TBC1D23: variants seen among roughly 807,000 people sequenced by gnomAD.
TBC1D23 encodes the protein HCV non-structural protein 4A-transactivated protein 1.
A neutral mutation model predicts 91.4 loss-of-function variants in TBC1D23; 55 were observed. The observed-to-expected ratio is 0.60, with a 90% CI of 0.48 to 0.75. TBC1D23 has a LOEUF of 0.75. Ranked by LOEUF, TBC1D23 falls within the 30% of genes least tolerant of loss-of-function variation. The pLI is 0.00. For synonymous variants in TBC1D23, 289 were observed against 281.0 expected (o/e 1.03, Z -0.28); for missense variants, 725 against 836.1 (o/e 0.87, Z 1.64).
At chr3:100,319,001 G>T in intron 16 of TBC1D23, 68 bp from the exon 17 acceptor site, 1 of 1,047,584 alleles carries the variant, frequency 9.5e-7, no homozygotes, top group South Asian at 1.7e-5. Flanking sequence ...AATTTTTTTA[G>T]ACTGTTAGGG....
chr3:100,286,103 T>C lies in TBC1D23; in HGVS notation c.476+2292T>C, dbSNP rs145140254. Reference sequence around the variant, plus strand: ...GCTACCTTGAAGCCATACTGCTTTATGTAAGGAAAACAGACTTAAAGATAC... The same window carrying C: ...GCTACCTTGAAGCCATACTGCTTTACGTAAGGAAAACAGACTTAAAGATAC... On this transcript the variant is annotated intron_variant, in intron 4 of 18. Transcript: ENST00000394144. Among the ~76,000 whole-genome samples, 713 of 152,320 alleles carry C rather than the reference T, an allele frequency of 4.7e-3. 2 individuals are homozygous for C. The highest frequency in any genetic ancestry group is 6.4e-3 in the Non-Finnish European group (432 of 68,028).
At chr3:100,276,253 T>C (rs1401222273) in intron 1 of TBC1D23, among the ~76,000 whole-genome samples, 1 of 151,936 alleles carries the variant, frequency 6.6e-6, no homozygotes, top group Non-Finnish European at 1.5e-5. Context: ...AAAATGTTAG[T>C]ATATAGTCAT....
At chr3:100,293,478 G>GTTTT (rs530769148) in intron 5 of TBC1D23, among the ~76,000 whole-genome samples, 1 of 152,110 alleles carries the variant, frequency 6.6e-6, no homozygotes, top group Non-Finnish European at 1.5e-5. Flanking sequence ...ATGAAATAGA[G>GTTTT]TTTTTTAAGT....
intron 11 of TBC1D23, among the ~76,000 whole-genome samples, chr3:100,302,937 C>T (rs796464705): frequency 6.6e-6 from 1 of 152,178 alleles, no homozygotes; most frequent in Non-Finnish European, 1.5e-5. Context: ...GTACTTTTTA[C>T]AGTAACTATA....
At chr3:100,284,393 T>C (rs1234621105) in intron 4 of TBC1D23, among the ~76,000 whole-genome samples, 1 of 152,234 alleles carries the variant, frequency 6.6e-6, no homozygotes, top group African/African-American at 2.4e-5. Context: ...GTGGTATCCC[T>C]ATTTTAATTT....
chr3:100,285,630 T>C (rs1483912472), intron 4 of TBC1D23, among the ~76,000 whole-genome samples: 1 of 152,220 alleles, frequency 6.6e-6, no homozygotes, highest in Non-Finnish European at 1.5e-5. Flanking sequence ...GGTAATTATG[T>C]TTAACCTTTT....
In TBC1D23 at chr3:100,261,043, C is replaced by G. The variant is rs755719122; in HGVS notation, c.25C>G (p.Pro9Ala). The change falls in exon 1 of 19, where the codon CCG becomes GCG. Residue 9 changes from proline (P) to alanine (A), a missense_variant. By Grantham distance (27) the Pro-to-Ala change is conservative. Transcript: ENST00000394144. ...AATGGCGGAAGGAGAAGATGTGCCGCCGCTGCCAACGTCGAGCGGCGACGG... is the reference window on the plus strand; with the variant it reads ...AATGGCGGAAGGAGAAGATGTGCCGGCGCTGCCAACGTCGAGCGGCGACGG... MAEGEDVP[P>A]LPTSSGDGWE... 1 of 1,614,016 alleles carries G rather than the reference C, an allele frequency of 6.2e-7. No homozygotes were observed. Among genetic ancestry groups the G allele is most frequent in the Admixed American group, 1.7e-5 (1 of 60,010 alleles).
In TBC1D23 at chr3:100,295,198, C is replaced by A; in HGVS notation, c.712C>A (p.Leu238Ile). ...FFIYFLMLII[L>I]VNAKEVILTQ... The stretch of plus-strand genomic sequence containing the variant: ...TATTTATTTCTTAATGTTAATTATC[C>A]TTGTTAATGCAAAGTAAGTATCTGG... Residue 238 changes from leucine to isoleucine, a missense_variant, in exon 6 of 19, where the codon CTT (leucine) becomes ATT (isoleucine). Transcript: ENST00000394144. 6.3e-7 allele frequency: 1 copy of A among 1,599,514 alleles called. No homozygotes were observed. The highest frequency in any genetic ancestry group is 8.5e-7 in the Non-Finnish European group (1 of 1,175,136).
At chr3:100,290,401 T>A (rs2067779149) in intron 4 of TBC1D23, among the ~76,000 whole-genome samples, 177 bp from the exon 5 acceptor site, 1 of 152,224 alleles carries the variant, frequency 6.6e-6, no homozygotes, top group East Asian at 1.9e-4. Flanking sequence ...ACCTACTGTT[T>A]CTGCAACTTT....
intron 1 of TBC1D23, among the ~76,000 whole-genome samples, chr3:100,263,571 G>A (rs1311800179): frequency 4.6e-5 from 7 of 152,176 alleles, no homozygotes; most frequent in African/African-American, 1.7e-4. Context: ...CTGGTATCCT[G>A]CAAGAATGGC....
intron 15 of TBC1D23, 41 bp from the exon 16 acceptor site, chr3:100,316,055 ACTT>A: frequency 1.4e-6 from 2 of 1,454,070 alleles, no homozygotes; most frequent in Non-Finnish European, 1.9e-6. Context: ...ATCTTTGATA[ACTT>A]CTTAAGTGAT....
In TBC1D23 at chr3:100,283,750, C is replaced by A. The variant is rs759893615; in HGVS notation, c.415C>A (p.Gln139Lys). Residue 139 changes from glutamine to lysine, a missense_variant, in exon 4 of 19, where the codon CAA becomes AAA. By Grantham distance (53) the Gln-to-Lys change is moderately conservative (BLOSUM62 1). Coordinates refer to ENST00000394144, the MANE Select transcript of TBC1D23 (RefSeq NM_001199198.3). ...IHLLKPLVHLQLPRSDLYNCF... is the reference protein window; with the variant it reads ...IHLLKPLVHLKLPRSDLYNCF... ...TCTACTGAAACCATTGGTGCATCTT[C>A]AACTGCCACGCAGCGATTTATACAA... 3 of 1,613,464 alleles carry A rather than the reference C, an allele frequency of 1.9e-6. No homozygotes were observed. The East Asian group carries it at 6.7e-5, about 36-fold the overall frequency.
At chr3:100,277,667 A>C (rs11709240) in intron 1 of TBC1D23, among the ~76,000 whole-genome samples, 1 of 152,140 alleles carries the variant, frequency 6.6e-6, no homozygotes, top group Non-Finnish European at 1.5e-5. Context: ...AAATAATTTC[A>C]TCCCAGTAAG....
At chr3:100,266,654 G>T (rs1486771059) in intron 1 of TBC1D23, among the ~76,000 whole-genome samples, 2 of 152,152 alleles carry the variant, frequency 1.3e-5, no homozygotes, top group Non-Finnish European at 2.9e-5. Context: ...TTAGTAATTG[G>T]TTTTTGCATG....
intron 15 of TBC1D23, among the ~76,000 whole-genome samples, chr3:100,314,118 T>G (rs431633): frequency 7.3e-6 from 1 of 137,026 alleles, no homozygotes. Context: ...TTTTTTTTTG[T>G]GACCGAGTCT....
At chr3:100,269,570 A>G (rs375772787) in intron 1 of TBC1D23, among the ~76,000 whole-genome samples, 1 of 152,212 alleles carries the variant, frequency 6.6e-6, no homozygotes, top group East Asian at 1.9e-4. Flanking sequence ...TTGGTATTTA[A>G]AAATAAGTTG....
In TBC1D23 at chr3:100,323,810, A is replaced by G. The variant is rs1015746709; in HGVS notation, c.*142A>G. 4 of 323,858 alleles carry G rather than the reference A, an allele frequency of 1.2e-5. No individual in the cohort carries two copies. Among genetic ancestry groups the G allele is most frequent in the Non-Finnish European group, 2.3e-5 (4 of 176,782 alleles). The allele number at this position is 323,858 out of a possible 1,614,324, so 20.1% of individuals were successfully genotyped here. A position where few individuals can be genotyped will look rare whatever the true frequency, so the allele number is the denominator to read the frequency against. ...CAGGTCTAAGAAAGTGTAAATTATT[A>G]TAATCAATCTGTGGACAGTAAACTT... is the stretch of plus-strand genomic sequence containing the variant. On this transcript the variant is annotated 3_prime_UTR_variant, in exon 19 of 19. Transcript: ENST00000394144.
chr3:100,297,852 T>A, intron 8 of TBC1D23, 71 bp from the exon 9 acceptor site: 1 of 1,332,286 alleles, frequency 7.5e-7, no homozygotes, highest in Non-Finnish European at 1.0e-6. Context: ...TATCATGGTT[T>A]AATAAGAATA....
Position 100,281,737 on chromosome 3 carries a change from T to C in TBC1D23, c.166-5T>C, listed in dbSNP as rs2067696556. On this transcript the variant is annotated splice_polypyrimidine_tract_variant and splice_region_variant and intron_variant, in intron 2 of 18. Transcript: ENST00000394144. ...AGCTAGTCACTTTTTAAATCTTTCTTCCAGATTGCTCTGAATGTTGCAGGA... is the reference window on the plus strand; with the variant it reads ...AGCTAGTCACTTTTTAAATCTTTCTCCCAGATTGCTCTGAATGTTGCAGGA... 6.3e-7 allele frequency: 1 copy of C among 1,597,762 alleles called. No homozygotes were observed. Among genetic ancestry groups the C allele is most frequent in the African/African-American group, 1.3e-5 (1 of 74,592 alleles).
Sources: allele counts gnomAD v4.1 joint callset (sites outside exome capture counted in the v4.1 genomes callset), GRCh38; gene constraint gnomAD v4.1.1; transcripts MANE v1.5; gene names NCBI Gene and HGNC (gene_info 2026-07-23, HGNC 2026-07-21).